GOLPH3: variants seen among roughly 807,000 people sequenced by gnomAD.
GOLPH3 encodes golgi phosphoprotein 3, also known as coat protein GPP34.
In GOLPH3, 14 loss-of-function variants were observed where a neutral mutation model predicts 28.5. The ratio of observed to expected loss-of-function variants is 0.49; its 90% CI spans 0.32 to 0.77. GOLPH3 has a LOEUF of 0.77. Ranked by LOEUF, GOLPH3 falls within the 30% of genes least tolerant of loss-of-function variation. The pLI, the probability that GOLPH3 is intolerant of heterozygous loss-of-function variation, is 0.03. For synonymous variants in GOLPH3, 158 were observed against 159.2 expected (o/e 0.99, Z 0.06); for missense variants, 350 against 393.7 (o/e 0.89, Z 0.94).
Position 32,143,697 on chromosome 5 carries a change from T to C in GOLPH3, c.357+52A>G. ...TGAAGGCTACTAGTAAAAACATACA[T>C]TTTAAGCAGTACAACCTCTTTAAAA... On this transcript the variant is annotated intron_variant, in intron 2 of 3. Transcript: ENST00000265070. The C allele has an allele frequency of 1.7e-5, 26 of 1,490,216 alleles. No individual in the cohort carries two copies. In the South Asian group the frequency reaches 2.5e-4, roughly 15 times the overall value. 92.3% of individuals were successfully genotyped at this position (1,490,216 alleles called of 1,614,324 possible).
intron 3 of GOLPH3, among the ~76,000 whole-genome samples, chr5:32,133,409 A>G (rs1361376937): frequency 1.3e-5 from 2 of 152,236 alleles, no homozygotes; most frequent in Non-Finnish European, 2.9e-5. Context: ...CAACTTTGAG[A>G]AACCCTTCTT....
At chr5:32,140,804 A>C (rs914069727) in intron 2 of GOLPH3, among the ~76,000 whole-genome samples, 4 of 146,190 alleles carry the variant, frequency 2.7e-5, no homozygotes, top group African/African-American at 9.9e-5. Flanking sequence ...TCTGTCTCCA[A>C]AAAAAAAAAA....
chr5:32,161,854 C>T (rs1300287305), intron 1 of GOLPH3, among the ~76,000 whole-genome samples: 1 of 150,362 alleles, frequency 6.7e-6, no homozygotes, highest in Non-Finnish European at 1.5e-5. Flanking sequence ...GGTGAGACCC[C>T]GCCTCTACTA....
intron 3 of GOLPH3, among the ~76,000 whole-genome samples, chr5:32,129,906 ATCAGG>A (rs1341706366): frequency 6.6e-6 from 1 of 151,042 alleles, no homozygotes; most frequent in African/African-American, 2.4e-5. Context: ...CGGTGGTGTG[ATCAGG>A]GCTCACTGCA....
chr5:32,138,696 T>A (rs1476356266), intron 2 of GOLPH3, among the ~76,000 whole-genome samples: 3 of 152,224 alleles, frequency 2.0e-5, no homozygotes, highest in African/African-American at 7.2e-5. Context: ...AAATCCAGTG[T>A]ATCCAGTGTA....
Position 32,126,611 on chromosome 5 carries a change from C to T in GOLPH3, c.498G>A (p.Leu166=). 1.2e-6 allele frequency: 2 copies of T among 1,612,996 alleles called. No individual in the cohort carries two copies. The highest frequency in any genetic ancestry group is 1.7e-6 in the Non-Finnish European group (2 of 1,179,434). ...CCCGTACATTTCTTAACTGATAATG[C>T]AATTTTAATGGATTCCATGTCTCAC... The part of the protein sequence containing the change: ...LSGETWNPLK[L]HYQLRNVRER... The change falls in exon 4 of 4, where the codon TTG becomes TTA. Residue 166 remains leucine, a synonymous_variant. Transcript: ENST00000265070.
At chr5:32,126,772 A>C in intron 3 of GOLPH3, 136 bp from the exon 4 acceptor site, 1 of 689,010 alleles carries the variant, frequency 1.5e-6, no homozygotes, top group Non-Finnish European at 2.4e-6. Flanking sequence ...TTTCTCCCTA[A>C]CTAGACCATG....
intron 2 of GOLPH3, among the ~76,000 whole-genome samples, chr5:32,139,753 C>T (rs1178164985): frequency 6.6e-6 from 1 of 152,076 alleles, no homozygotes; most frequent in Non-Finnish European, 1.5e-5. Context: ...TGAAAGAAAG[C>T]TTCCAACACA....
At chr5:32,158,142 C>A (rs1187438722) in intron 1 of GOLPH3, among the ~76,000 whole-genome samples, 2 of 138,732 alleles carry the variant, frequency 1.4e-5, no homozygotes, top group African/African-American at 5.4e-5. Flanking sequence ...TACACACACA[C>A]ACACACACAC....
At chr5:32,151,552 C>G (rs1746307919) in intron 1 of GOLPH3, among the ~76,000 whole-genome samples, 1 of 152,060 alleles carries the variant, frequency 6.6e-6, no homozygotes, top group South Asian at 2.1e-4. Context: ...TAAAAGGTAA[C>G]AGATGATGAA....
rs1175707270 is a variant in GOLPH3 at position 32,135,817 on chromosome 5, A to G, written c.358-131T>C. 4 of 610,776 alleles carry G rather than the reference A, an allele frequency of 6.5e-6. No homozygotes were observed. The East Asian group carries it at 1.1e-4, about 17-fold the overall frequency. 37.8% of individuals were successfully genotyped at this position (610,776 alleles called of 1,614,324 possible). A position where few individuals can be genotyped will look rare whatever the true frequency, so the allele number is the denominator to read the frequency against. On this transcript the variant is annotated intron_variant, in intron 2 of 3. Transcript: ENST00000265070. The stretch of plus-strand genomic sequence containing the variant: ...GCCTCAAGCTTTCATGTAGTATCAA[A>G]GTTCAGATTTTAAATTACTTTTATG...
chr5:32,173,939 G>A lies in GOLPH3; in HGVS notation c.96C>T (p.Gly32=), dbSNP rs762835468. ...GCGCGTCGTCCTCGCTGCTGCCGGC[G>A]CCGCCGCCCGCCGCCCGCTCCTTGT... is the stretch of plus-strand genomic sequence containing the variant. ...AADKERAAGG[G]AGSSEDDAQS... The change falls in exon 1 of 4, where the codon GGC becomes GGT. Residue 32 remains glycine (G), a synonymous_variant. Transcript: ENST00000265070. 5 of 1,469,892 alleles carry A rather than the reference G, an allele frequency of 3.4e-6. No individual in the cohort carries two copies. Among genetic ancestry groups the A allele is most frequent in the East Asian group, 2.9e-5 (1 of 34,632 alleles). 91.1% of individuals were successfully genotyped at this position (1,469,892 alleles called of 1,614,324 possible).
chr5:32,126,484 T>C lies in GOLPH3; in HGVS notation c.625A>G (p.Ile209Val), dbSNP rs145375193. 1.2e-6 allele frequency: 2 copies of C among 1,614,168 alleles called. No individual in the cohort carries two copies. Among genetic ancestry groups the C allele is most frequent in the East Asian group, 2.2e-5 (1 of 44,882 alleles). Reference sequence around the variant, plus strand: ...ACTTTCTTGATGAGGCGCTGCTTAATGTTGTTATTGGTGAGGGGATGTGTT... The same window carrying C: ...ACTTTCTTGATGAGGCGCTGCTTAACGTTGTTATTGGTGAGGGGATGTGTT... ...MTTHPLTNNN[I>V]KQRLIKKVQE... Residue 209 changes from isoleucine to valine, a missense_variant, in exon 4 of 4, where the codon ATT becomes GTT. Ile to Val is a conservative substitution (Grantham distance 29). Coordinates refer to ENST00000265070, the MANE Select transcript of GOLPH3 (RefSeq NM_022130.4).
intron 1 of GOLPH3, among the ~76,000 whole-genome samples, chr5:32,156,614 G>C (rs1263049126): frequency 6.6e-6 from 1 of 151,892 alleles, no homozygotes. Context: ...ACGGACTGGA[G>C]CGGCGGGGGG....
At chr5:32,137,895 T>A (rs898281253) in intron 2 of GOLPH3, among the ~76,000 whole-genome samples, 1 of 124,156 alleles carries the variant, frequency 8.1e-6, no homozygotes, top group African/African-American at 3.1e-5. Context: ...AAATTTAACA[T>A]TACGGTTTTT....
At chr5:32,129,675 G>GA (rs1408641198) in intron 3 of GOLPH3, among the ~76,000 whole-genome samples, 9 of 152,082 alleles carry the variant, frequency 5.9e-5, no homozygotes, top group African/African-American at 2.2e-4. Flanking sequence ...GAAAGTTATA[G>GA]AAAAAAAGAA....
At chr5:32,165,548 A>C (rs979003571) in intron 1 of GOLPH3, among the ~76,000 whole-genome samples, 28 of 152,124 alleles carry the variant, frequency 1.8e-4, no homozygotes, top group African/African-American at 5.3e-4. Context: ...GCACCACTGC[A>C]CTCCAGCCTG....
At chr5:32,168,463 A>T (rs1746761583) in intron 1 of GOLPH3, among the ~76,000 whole-genome samples, 1 of 152,202 alleles carries the variant, frequency 6.6e-6, no homozygotes, top group Non-Finnish European at 1.5e-5. Flanking sequence ...TTTTCAAGAC[A>T]TAGAGTTAAG....
Position 32,126,644 on chromosome 5 carries a change from A to G in GOLPH3, c.473-8T>C. ...ATGGATTCCATGTCTCACCTAAACA[A>G]AAGATTTCAGAAGTTAGAAATGATG... is the stretch of plus-strand genomic sequence containing the variant. On this transcript the variant is annotated splice_region_variant and splice_polypyrimidine_tract_variant and intron_variant, in intron 3 of 3. Transcript: ENST00000265070. The G allele has an allele frequency of 6.2e-7, 1 of 1,602,080 alleles. No homozygotes were observed. The highest frequency in any genetic ancestry group is 1.1e-5 in the South Asian group (1 of 89,060).
Sources: gnomAD v4.1 joint callset for allele counts (sites outside exome capture counted in the v4.1 genomes callset) on GRCh38, gnomAD v4.1.1 for gene constraint, MANE v1.5 for transcripts, NCBI Gene and HGNC (gene_info 2026-07-23, HGNC 2026-07-21) for gene names.